Variants in THAP9 observed in about 807,000 individuals in gnomAD.
THAP9 encodes the protein THAP domain containing 9, also known as DNA transposase THAP9.
In THAP9, 20 loss-of-function variants were observed where a neutral mutation model predicts 35.7. The ratio of observed to expected loss-of-function variants is 0.56; its 90% CI spans 0.39 to 0.81. The LOEUF is 0.81. THAP9 is among the 40% of genes least tolerant of loss of function. THAP9 has a pLI of 0.00. For missense variants in THAP9, 870 were observed against 1,047.4 expected (o/e 0.83, Z 2.34); for synonymous variants, 335 against 373.7 (o/e 0.90, Z 1.19).
At position 82,904,861 on chromosome 4, in the gene THAP9, G is replaced by C. The variant is rs1311140182; in HGVS notation, c.206G>C (p.Ser69Thr). ...AILCSKHFQESDFESYGIRRK... is the reference protein window; with the variant it reads ...AILCSKHFQETDFESYGIRRK... ...CTGTGTTCCAAACATTTTCAAGAAA[G>C]TGACTTTGAGTCATATGGCATAAGA... is the stretch of plus-strand genomic sequence containing the variant. The change falls in exon 2 of 5, where the codon AGT (serine) becomes ACT (threonine). Residue 69 changes from serine to threonine, a missense_variant. Physicochemically the swap from Ser to Thr is moderately conservative, Grantham distance 58. Around this residue, in one of 3 missense-constraint regions of THAP9, gnomAD observed 440 missense variants for 501.2 expected, o/e 0.88. Coordinates refer to ENST00000302236, the MANE Select transcript of THAP9 (RefSeq NM_024672.6). 1.9e-6 allele frequency: 3 copies of C among 1,614,044 alleles called. No homozygotes were observed. Among genetic ancestry groups the C allele is most frequent in the South Asian group, 1.1e-5 (1 of 91,078 alleles).
At position 82,917,352 on chromosome 4, in the gene THAP9, T is replaced by C. The variant is rs777668317; in HGVS notation, c.1140T>C (p.Val380=). Residue 380 remains valine (V), a synonymous_variant, in exon 5 of 5, where the codon GTT becomes GTC. Transcript: ENST00000302236. The part of the protein sequence containing the change: ...AVTSDATAHS[V]QMAKALGIHI... ...CATCTGATGCCACAGCACATAGTGT[T>C]CAGATGGCAAAAGCATTGGGGATAC... 1.9e-6 allele frequency: 3 copies of C among 1,613,340 alleles called. No homozygotes were observed. In the East Asian group the frequency reaches 6.7e-5, roughly 36 times the overall value.
chr4:82,917,004 A>G lies in THAP9; in HGVS notation c.792A>G (p.Gln264=), dbSNP rs749058717. The change falls in exon 5 of 5, where the codon CAA becomes CAG. Residue 264 remains glutamine, a synonymous_variant. Coordinates refer to ENST00000302236, the MANE Select transcript of THAP9 (RefSeq NM_024672.6). ...GFNSNIFSFL[Q]RRVENGDQLY... ...ACAGCAACATTTTTTCTTTTCTTCAACGAAGAGTAGAGAATGGAGATCAGC... is the reference window on the plus strand; with the variant it reads ...ACAGCAACATTTTTTCTTTTCTTCAGCGAAGAGTAGAGAATGGAGATCAGC... The G allele has an allele frequency of 5.7e-6, 9 of 1,565,446 alleles. No homozygotes were observed. Among genetic ancestry groups the G allele is most frequent in the South Asian group, 1.2e-5 (1 of 83,366 alleles).
Position 82,904,716 on chromosome 4 carries a change from C to G in THAP9, c.81-20C>G, listed in dbSNP as rs1226135459. The G allele has an allele frequency of 6.2e-7, 1 of 1,612,488 alleles. No homozygotes were observed. The highest frequency in any genetic ancestry group is 2.2e-5 in the East Asian group (1 of 44,852). On this transcript the variant is annotated intron_variant, in intron 1 of 4. Coordinates refer to ENST00000302236, the MANE Select transcript of THAP9 (RefSeq NM_024672.6). ...CTATAATGTTTTCATGTTAATGGAA[C>G]TTTAATGTGATTGTCATAGATTTCC...
intron 4 of THAP9, among the ~76,000 whole-genome samples, chr4:82,908,331 T>C (rs1371459021): frequency 6.6e-6 from 1 of 152,182 alleles, no homozygotes; most frequent in African/African-American, 2.4e-5. Flanking sequence ...TCCTGGAAAA[T>C]CTAGAACAGT....
At chr4:82,905,005 T>C (rs1038064053) in intron 2 of THAP9, 74 bp downstream of exon 2, 3 of 1,418,708 alleles carry the variant, frequency 2.1e-6, no homozygotes, top group Admixed American at 2.3e-5. Flanking sequence ...GCCCCCATTA[T>C]AGCTAGAATT....
At chr4:82,908,070 C>T (rs928002733) in intron 4 of THAP9, 135 bp downstream of exon 4, 2 of 856,914 alleles carry the variant, frequency 2.3e-6, no homozygotes, top group South Asian at 4.2e-5. Flanking sequence ...GCTATTAGTA[C>T]TCATACTCCC....
intron 2 of THAP9, chr4:82,906,048 C>G: frequency 2.4e-6 from 1 of 413,404 alleles, no homozygotes; most frequent in Non-Finnish European, 4.6e-6. Context: ...AAACTCACTT[C>G]CATGAAGCCA....
intron 2 of THAP9, chr4:82,905,877 T>C (rs532696105): frequency 2.2e-6 from 1 of 456,230 alleles, no homozygotes; most frequent in African/African-American, 2.0e-5. Flanking sequence ...ACACAAGGGA[T>C]TGTAGAGCTT....
chr4:82,904,688 G>C (rs1476520639), intron 1 of THAP9, 48 bp from the exon 2 acceptor site: 1 of 1,540,922 alleles, frequency 6.5e-7, no homozygotes, highest in South Asian at 1.1e-5. Context: ...TACTGTAATA[G>C]TACTATAATG....
intron 1 of THAP9, among the ~76,000 whole-genome samples, chr4:82,902,345 G>A (rs1720455754): frequency 6.6e-6 from 1 of 151,378 alleles, no homozygotes; most frequent in Non-Finnish European, 1.5e-5. Context: ...TTACAGGCAT[G>A]AGCCACCCTG....
chr4:82,917,711 C>G lies in THAP9; in HGVS notation c.1499C>G (p.Pro500Arg). The G allele has an allele frequency of 6.2e-7, 1 of 1,613,188 alleles. No individual in the cohort carries two copies. Among genetic ancestry groups the G allele is most frequent in the Non-Finnish European group, 8.5e-7 (1 of 1,179,600 alleles). Residue 500 changes from proline to arginine, a missense_variant, in exon 5 of 5, where the codon CCT becomes CGT. Around this residue, in one of 3 missense-constraint regions of THAP9, gnomAD observed 414 missense variants for 500.8 expected, o/e 0.83. Coordinates refer to ENST00000302236, the MANE Select transcript of THAP9 (RefSeq NM_024672.6). ...LEYLLSLDLP[P>R]FQNCIGTIHF... is the part of the protein sequence containing the mutation. ...TATTTGTTATCCTTAGACCTGCCAC[C>G]TTTTCAAAACTGTATTGGTACCATC...
intron 1 of THAP9, among the ~76,000 whole-genome samples, chr4:82,903,155 A>C (rs1720496644): frequency 6.6e-6 from 1 of 152,262 alleles, no homozygotes; most frequent in African/African-American, 2.4e-5. Flanking sequence ...TCTGTCTCTA[A>C]GATAACGTCA....
rs1720288114 is a variant in THAP9, at chr4:82,900,736, G to C, written c.-67G>C. On this transcript the variant is annotated 5_prime_UTR_variant, in exon 1 of 5. Transcript: ENST00000302236. ...GTCGTAGCCGCAGAGTCAACGGGCG[G>C]AGCTAAAGTGGTCGTGATTCATGCT... is the stretch of plus-strand genomic sequence containing the variant. 1 of 1,551,136 alleles carries C rather than the reference G, an allele frequency of 6.4e-7. No homozygotes were observed. The highest frequency in any genetic ancestry group is 1.1e-5 in the South Asian group (1 of 89,560).
intron 1 of THAP9, 111 bp downstream of exon 1, chr4:82,900,993 C>T (rs1200368819): frequency 8.7e-6 from 11 of 1,270,786 alleles, no homozygotes; most frequent in South Asian, 2.5e-5. Flanking sequence ...GCGTGTGTGA[C>T]GCGACGTGAC....
intron 4 of THAP9, among the ~76,000 whole-genome samples, chr4:82,913,936 C>T (rs1335414422): frequency 6.6e-6 from 1 of 151,940 alleles, no homozygotes; most frequent in Non-Finnish European, 1.5e-5. Context: ...GGGGTTTCAC[C>T]GTATTGGCCA....
Position 82,906,177 on chromosome 4 carries a change from A to G in THAP9, c.277-147A>G, listed in dbSNP as rs1720638716. 6.1e-6 allele frequency: 4 copies of G among 658,790 alleles called. No homozygotes were observed. The South Asian group carries it at 6.8e-5, about 11-fold the overall frequency. 40.8% of individuals were successfully genotyped at this position (658,790 alleles called of 1,614,324 possible). On this transcript the variant is annotated intron_variant, in intron 2 of 4. Transcript: ENST00000302236. ...GTTTATATTACCCTATAAACTATACATTAAAACATTCAGAGATTATGACCT... is the reference window on the plus strand; with the variant it reads ...GTTTATATTACCCTATAAACTATACGTTAAAACATTCAGAGATTATGACCT...
At chr4:82,912,914 C>T (rs760917972) in intron 4 of THAP9, among the ~76,000 whole-genome samples, 4 of 151,832 alleles carry the variant, frequency 2.6e-5, no homozygotes, top group Admixed American at 1.3e-4. Context: ...TACTTAAGGG[C>T]GTGTAAAAAT....
chr4:82,912,443 C>A (rs987069977), intron 4 of THAP9, among the ~76,000 whole-genome samples: 2 of 152,130 alleles, frequency 1.3e-5, no homozygotes, highest in African/African-American at 2.4e-5. Flanking sequence ...CACTGTAGAT[C>A]TCTAGGACTA....
chr4:82,903,869 A>G (rs1316262401), intron 1 of THAP9, among the ~76,000 whole-genome samples: 3 of 152,166 alleles, frequency 2.0e-5, no homozygotes, highest in African/African-American at 7.2e-5. Flanking sequence ...TTTTCTCCAC[A>G]GGACTGCTTT....
Sources: gnomAD v4.1 joint callset for allele counts (sites outside exome capture counted in the v4.1 genomes callset) on GRCh38, gnomAD v4.1.1 for gene constraint, gnomAD v4.1.1 regional missense constraint, MANE v1.5 for transcripts, NCBI Gene and HGNC (gene_info 2026-07-23, HGNC 2026-07-21) for gene names.